Variants in THNSL1 observed in about 807,000 individuals in gnomAD.
THNSL1 encodes the protein threonine synthase like 1.
Under a neutral mutation model 50.4 loss-of-function variants are expected in THNSL1, and 48 were observed. The observed-to-expected ratio is 0.95, with a 90% confidence interval of 0.76 to 1.21. The LOEUF is 1.21. THNSL1 is among the 50% of genes most tolerant of loss of function. The pLI, the probability that THNSL1 is intolerant of heterozygous loss-of-function variation, is 0.00. For missense variants in THNSL1, 896 were observed against 871.7 expected, an observed-to-expected ratio of 1.03 and a Z score of -0.35; for synonymous variants, 309 against 306.1, an observed-to-expected ratio of 1.01 and a Z score of -0.10.
the THNSL1 span, among the ~76,000 whole-genome samples, chr10:24,962,605 A>G: frequency 6.6e-6 from 1 of 152,216 alleles, no homozygotes; most frequent in South Asian, 2.1e-4. Flanking sequence ...TGTAACATAC[A>G]TGTTGAAAGA....
At chr10:24,978,061 A>G in the THNSL1 span, among the ~76,000 whole-genome samples, 1 of 152,212 alleles carries the variant, frequency 6.6e-6, no homozygotes, top group Non-Finnish European at 1.5e-5. Flanking sequence ...ATCTACATCT[A>G]AAGGCTATAT....
intron 1 of THNSL1, among the ~76,000 whole-genome samples, chr10:25,018,518 A>G (rs1280189030): frequency 6.6e-6 from 1 of 152,218 alleles, no homozygotes; most frequent in Non-Finnish European, 1.5e-5. Flanking sequence ...GAGCACATGA[A>G]TGACTGAAGT....
At chr10:25,003,345 T>C in the THNSL1 span, among the ~76,000 whole-genome samples, 1 of 152,276 alleles carries the variant, frequency 6.6e-6, no homozygotes, top group Non-Finnish European at 1.5e-5. Context: ...TAGCTGGGAC[T>C]ACAGGCATGC....
Position 25,023,600 on chromosome 10 carries a change from G to C in THNSL1, c.377G>C (p.Gly126Ala), listed in dbSNP as rs779653394. 6.2e-7 allele frequency: 1 copy of C among 1,614,124 alleles called. No individual in the cohort carries two copies. The highest frequency in any genetic ancestry group is 1.7e-5 in the Admixed American group (1 of 60,014). The stretch of plus-strand genomic sequence containing the variant: ...GCTGTGTTAAACTTCTCTGCATCTG[G>C]AAGTGTGATTTCCCTTACTGGGTCC... ...GKAVLNFSAS[G>A]SVISLTGSNP... Residue 126 changes from glycine (G) to alanine (A), a missense_variant, in exon 3 of 3, where the codon GGA becomes GCA. Coordinates refer to ENST00000376356, the MANE Select transcript of THNSL1 (RefSeq NM_024838.5).
At chr10:24,972,496 A>G in the THNSL1 span, among the ~76,000 whole-genome samples, 1 of 149,560 alleles carries the variant, frequency 6.7e-6, no homozygotes, top group African/African-American at 2.5e-5. Flanking sequence ...TGAGAGAGCA[A>G]GACTCTGTCT....
At chr10:24,961,851 C>T in the THNSL1 span, among the ~76,000 whole-genome samples, 19 of 152,260 alleles carry the variant, frequency 1.2e-4, no homozygotes, top group Middle Eastern at 3.4e-3. Context: ...AACCAGACTC[C>T]ACCACCTACC....
chr10:24,992,073 T>C, the THNSL1 span, among the ~76,000 whole-genome samples: 1 of 152,238 alleles, frequency 6.6e-6, no homozygotes, highest in African/African-American at 2.4e-5. Flanking sequence ...TCAGCTGTGA[T>C]TCTTTCAGCT....
chr10:25,000,800 A>C, the THNSL1 span, among the ~76,000 whole-genome samples: 1 of 152,030 alleles, frequency 6.6e-6, no homozygotes, highest in African/African-American at 2.4e-5. Context: ...TTTCTGCTTA[A>C]AGTTTCCAGC....
At chr10:24,959,611 C>T in the THNSL1 span, among the ~76,000 whole-genome samples, 47,764 of 151,916 alleles carry the variant, frequency 0.31, 8,924 homozygotes, top group East Asian at 0.49. Context: ...GTCTTTAGTA[C>T]GCCAATATGC....
rs58705370 is a variant in THNSL1, at chr10:25,020,276, A to ATATC, written c.-215-1463_-215-1462insCTAT. On this transcript the variant is annotated intron_variant, in intron 1 of 2. Coordinates refer to ENST00000376356, the MANE Select transcript of THNSL1 (RefSeq NM_024838.5). Reference sequence around the variant, plus strand: ...TATATCTATATCTATATCTATATCTATATATATCTACCCCAAAGTCTTGAA... The same window carrying ATATC: ...TATATCTATATCTATATCTATATCTATATCTATATATCTACCCCAAAGTCTTGAA... 2.2e-3 allele frequency among the ~76,000 whole-genome samples: 330 copies of ATATC among 149,474 alleles called. 1 individual carries two copies. The highest frequency in any genetic ancestry group is 4.6e-3 in the East Asian group (23 of 5,042).
the THNSL1 span, among the ~76,000 whole-genome samples, chr10:24,971,794 G>A: frequency 6.6e-6 from 1 of 152,208 alleles, no homozygotes; most frequent in African/African-American, 2.4e-5. Context: ...GGGGGCAGTT[G>A]TGATGTATGC....
chr10:25,015,528 GATTT>G (rs1168256426), upstream of THNSL1, among the ~76,000 whole-genome samples: 3 of 152,030 alleles, frequency 2.0e-5, no homozygotes, highest in Non-Finnish European at 4.4e-5. Context: ...ATAGAATTGT[GATTT>G]TTTTCTTTTC....
chr10:24,963,338 C>T, the THNSL1 span, among the ~76,000 whole-genome samples: 8 of 152,238 alleles, frequency 5.3e-5, no homozygotes, highest in South Asian at 1.7e-3. Flanking sequence ...TACCTGTGAC[C>T]TTTCTGTATT....
At chr10:24,970,966 G>C in the THNSL1 span, among the ~76,000 whole-genome samples, 2 of 152,190 alleles carry the variant, frequency 1.3e-5, no homozygotes, top group Non-Finnish European at 2.9e-5. Context: ...AGAGGCTGCA[G>C]TGAGCTGAGA....
At chr10:25,008,712 T>C in the THNSL1 span, among the ~76,000 whole-genome samples, 2 of 152,184 alleles carry the variant, frequency 1.3e-5, no homozygotes, top group Admixed American at 6.5e-5. Context: ...TCCTCAGGGA[T>C]CTAGAACTAG....
At chr10:24,972,433 G>A in the THNSL1 span, among the ~76,000 whole-genome samples, 37 of 151,304 alleles carry the variant, frequency 2.4e-4, no homozygotes, top group East Asian at 3.9e-4. Flanking sequence ...ATTTGAACCC[G>A]GAAGGTGGAG....
Position 25,023,593 on chromosome 10 carries a change from G to A in THNSL1, c.370G>A (p.Ala124Thr). 6.2e-7 allele frequency: 1 copy of A among 1,614,138 alleles called. No individual in the cohort carries two copies. Among genetic ancestry groups the A allele is most frequent in the Non-Finnish European group, 8.5e-7 (1 of 1,180,010 alleles). The part of the protein sequence containing the change: ...EEGKAVLNFS[A>T]SGSVISLTGS... The stretch of plus-strand genomic sequence containing the variant: ...AGGAAAAGCTGTGTTAAACTTCTCT[G>A]CATCTGGAAGTGTGATTTCCCTTAC... The change falls in exon 3 of 3, where the codon GCA becomes ACA. Residue 124 changes from alanine (A) to threonine (T), a missense_variant. Ala to Thr is a moderately conservative substitution (Grantham distance 58). Coordinates refer to ENST00000376356, the MANE Select transcript of THNSL1 (RefSeq NM_024838.5).
the THNSL1 span, among the ~76,000 whole-genome samples, chr10:24,966,761 G>A: frequency 6.6e-6 from 1 of 152,198 alleles, no homozygotes; most frequent in Non-Finnish European, 1.5e-5. Context: ...GTGAGATCTT[G>A]GACAATTACC....
the THNSL1 span, among the ~76,000 whole-genome samples, chr10:24,975,131 G>A: frequency 6.6e-6 from 1 of 152,280 alleles, no homozygotes; most frequent in South Asian, 2.1e-4. Context: ...CCTGCTGGCT[G>A]TGTTGAGCCA....
Sources: allele counts gnomAD v4.1 joint callset (sites outside exome capture counted in the v4.1 genomes callset), GRCh38; gene constraint gnomAD v4.1.1; transcripts MANE v1.5; gene names NCBI Gene and HGNC (gene_info 2026-07-23, HGNC 2026-07-21).